Variants in ZNF765 observed in about 807,000 individuals in gnomAD.
The protein encoded by ZNF765 is zinc finger protein 765.
Under a neutral mutation model 44.7 loss-of-function variants are expected in ZNF765, and 37 were observed. That is an observed-to-expected ratio of 0.83 (90% CI 0.64 to 1.09). The LOEUF (loss-of-function observed/expected upper bound fraction) is 1.09. Among genes scored for constraint, ZNF765 ranks in the 50% least tolerant of loss-of-function variants. ZNF765 has a pLI of 0.00. For missense variants in ZNF765, 594 were observed against 626.1 expected (o/e 0.95, Z 0.55); for synonymous variants, 201 against 213.7 (o/e 0.94, Z 0.52).
At position 53,420,033 on chromosome 19, in the gene ZNF765, A is replaced by AAAAT. The variant is rs936098591; in HGVS notation, c.143-3016_143-3013dup. Among the ~76,000 whole-genome samples, 19 of 149,074 alleles carry AAAAT rather than the reference A, an allele frequency of 1.3e-4. No individual in the cohort carries two copies. The South Asian group carries it at 3.2e-3, about 25-fold the overall frequency. On this transcript the variant is annotated intron_variant, in intron 3 of 3. Transcript: ENST00000594030. The stretch of plus-strand genomic sequence containing the variant: ...CAGATTCCGTCTCAAAAATAATAAT[A>AAAAT]AAATAAATAAATAAATGTGGCCGGG...
downstream of ZNF765, among the ~76,000 whole-genome samples, chr19:53,414,672 G>T (rs1489758014): frequency 1.3e-5 from 2 of 150,662 alleles, no homozygotes; most frequent in East Asian, 2.0e-4. Context: ...ACCTGGGTGC[G>T]CATTTGTTGG....
chr19:53,396,772 T>C (rs1470047447), intron 1 of ZNF765, among the ~76,000 whole-genome samples: 2 of 152,226 alleles, frequency 1.3e-5, no homozygotes, highest in Non-Finnish European at 2.9e-5. Flanking sequence ...TGAATGCATA[T>C]TGATTTTTTA....
At chr19:53,404,018 C>A (rs1433167180) in intron 3 of ZNF765, among the ~76,000 whole-genome samples, 1 of 152,140 alleles carries the variant, frequency 6.6e-6, no homozygotes, top group Non-Finnish European at 1.5e-5. Flanking sequence ...GTTGAATTAT[C>A]TAGAGAAGGT....
exon 4 of ZNF765, chr19:53,424,360 G>A (rs2085926052): frequency 6.6e-6 from 1 of 151,824 alleles, no homozygotes; most frequent in African/African-American, 2.4e-5. Context: ...TGTAATCCGA[G>A]CTACTTGGGA....
At chr19:53,422,356 C>T (rs946905790) in intron 3 of ZNF765, among the ~76,000 whole-genome samples, 12 of 152,106 alleles carry the variant, frequency 7.9e-5, no homozygotes, top group African/African-American at 2.9e-4. Context: ...CCTCTCTGTG[C>T]TTGAGTCCTC....
chr19:53,410,030 A>G lies in ZNF765; in HGVS notation c.*903A>G. On this transcript the variant is annotated 3_prime_UTR_variant, in exon 4 of 4. Coordinates refer to ENST00000396408, the MANE Select transcript of ZNF765 (RefSeq NM_001040185.3). ...TGATAAATGCAGAATAAATGCAGAAAATTTTTCAGACATCCTTCATACCTT... is the reference window on the plus strand; with the variant it reads ...TGATAAATGCAGAATAAATGCAGAAGATTTTTCAGACATCCTTCATACCTT... The G allele has an allele frequency of 2.0e-6, 1 of 492,150 alleles. No homozygotes were observed. The highest frequency in any genetic ancestry group is 4.1e-6 in the Non-Finnish European group (1 of 244,330). The allele number at this position is 492,150 out of a possible 1,614,324, so 30.5% of individuals were successfully genotyped here. A position where few individuals can be genotyped will look rare whatever the true frequency, so the allele number is the denominator to read the frequency against.
intron 1 of ZNF765, 109 bp from the exon 2 acceptor site, chr19:53,397,834 A>G (rs536855228): frequency 8.7e-7 from 1 of 1,143,132 alleles, no homozygotes; most frequent in Admixed American, 2.6e-5. Flanking sequence ...GGTCGGCAGC[A>G]TAGGGGACCG....
downstream of ZNF765, among the ~76,000 whole-genome samples, chr19:53,414,156 G>A (rs1462173199): frequency 9.2e-5 from 13 of 140,968 alleles, no homozygotes; most frequent in Admixed American, 1.0e-3. Flanking sequence ...CAGGAGAATC[G>A]CTTGAACCCA....
At chr19:53,402,549 C>T (rs552052980) in intron 3 of ZNF765, among the ~76,000 whole-genome samples, 5 of 152,060 alleles carry the variant, frequency 3.3e-5, no homozygotes, top group Non-Finnish European at 5.9e-5. Flanking sequence ...CATAAGCCAC[C>T]GTGCCCGGCC....
intron 3 of ZNF765, among the ~76,000 whole-genome samples, chr19:53,407,153 T>G (rs1262658325): frequency 2.0e-5 from 3 of 152,132 alleles, no homozygotes; most frequent in Non-Finnish European, 4.4e-5. Context: ...TACGTGGGAC[T>G]AAAAATTTGG....
chr19:53,395,642 G>A (rs2085660187), intron 1 of ZNF765, among the ~76,000 whole-genome samples: 1 of 152,318 alleles, frequency 6.6e-6, no homozygotes, highest in East Asian at 1.9e-4. Flanking sequence ...AGGCGCCGTG[G>A]CGCCGCCGCC....
At chr19:53,417,121 T>C (rs1022406360) in intron 3 of ZNF765, among the ~76,000 whole-genome samples, 38 of 152,248 alleles carry the variant, frequency 2.5e-4, no homozygotes, top group African/African-American at 8.4e-4. Context: ...CCCGACCAGG[T>C]TTCTTTCATT....
chr19:53,410,524 C>G lies in ZNF765; in HGVS notation c.*1397C>G. 2.5e-6 allele frequency: 1 copy of G among 405,886 alleles called. No homozygotes were observed. Among genetic ancestry groups the G allele is most frequent in the Admixed American group, 3.0e-5 (1 of 33,520 alleles). The allele number at this position is 405,886 out of a possible 1,614,324, so 25.1% of individuals were successfully genotyped here. On this transcript the variant is annotated 3_prime_UTR_variant, in exon 4 of 4. Coordinates refer to ENST00000396408, the MANE Select transcript of ZNF765 (RefSeq NM_001040185.3). The stretch of plus-strand genomic sequence containing the variant: ...AAGCTTACAAGTATAATGAATGTGA[C>G]AGGTCTTTAGTGGGCAGTCAACACT...
intron 2 of ZNF765, among the ~76,000 whole-genome samples, chr19:53,401,683 C>T (rs1389645337): frequency 1.3e-5 from 2 of 152,218 alleles, no homozygotes; most frequent in East Asian, 1.9e-4. Flanking sequence ...TGAGACCAAA[C>T]TGGGCAATAT....
rs576806332 is a variant in ZNF765, at chr19:53,407,534, G to A, written c.143-164G>A. Reference sequence around the variant, plus strand: ...AAAATAATTTGAAGCACATGTAATCGCCCTTTATTTGTTAAAGAATCTTAT... The same window carrying A: ...AAAATAATTTGAAGCACATGTAATCACCCTTTATTTGTTAAAGAATCTTAT... On this transcript the variant is annotated intron_variant, in intron 3 of 3. Transcript: ENST00000396408. Among the ~76,000 whole-genome samples the A allele has an allele frequency of 1.5e-3, 225 of 152,168 alleles. 1 individual carries two copies. Among genetic ancestry groups the A allele is most frequent in the African/African-American group, 5.2e-3 (215 of 41,518 alleles).
chr19:53,407,146 G>T (rs1210781430), intron 3 of ZNF765, among the ~76,000 whole-genome samples: 1 of 152,016 alleles, frequency 6.6e-6, no homozygotes, highest in Non-Finnish European at 1.5e-5. Context: ...CCATGAGTAC[G>T]TGGGACTAAA....
chr19:53,409,030 A>C lies in ZNF765; in HGVS notation c.1475A>C (p.Lys492Thr). 1 of 1,613,890 alleles carries C rather than the reference A, an allele frequency of 6.2e-7. No individual in the cohort carries two copies. Among genetic ancestry groups the C allele is most frequent in the African/African-American group, 1.3e-5 (1 of 74,978 alleles). The stretch of plus-strand genomic sequence containing the variant: ...CATCATAGACTTCATACTGGACAGA[A>C]ACCTTACAAATGTGAAGATTGTGAT... Reference protein sequence around the residue: ...TYHHRLHTGQKPYKCEDCDEA... With the variant: ...TYHHRLHTGQTPYKCEDCDEA... The change falls in exon 4 of 4, where the codon AAA becomes ACA. Residue 492 changes from lysine to threonine, a missense_variant. Around this residue, in one of 2 missense-constraint regions of ZNF765, gnomAD observed 567 missense variants for 572.6 expected, o/e 0.99. Coordinates refer to ENST00000396408, the MANE Select transcript of ZNF765 (RefSeq NM_001040185.3).
intron 3 of ZNF765, among the ~76,000 whole-genome samples, chr19:53,421,519 A>T (rs201612518): frequency 2.0e-5 from 3 of 151,620 alleles, no homozygotes; most frequent in Non-Finnish European, 4.4e-5. Context: ...TTATTTATTT[A>T]TTTTTTTTTT....
Position 53,408,355 on chromosome 19 carries a change from G to T in ZNF765, c.800G>T (p.Gly267Val). ...YVARHRRCHT[G>V]EKPYKCNECG... Reference sequence around the variant, plus strand: ...GCACGCCATCGTAGATGTCACACTGGTGAGAAACCTTACAAGTGTAATGAG... The same window carrying T: ...GCACGCCATCGTAGATGTCACACTGTTGAGAAACCTTACAAGTGTAATGAG... The change falls in exon 4 of 4, where the codon GGT becomes GTT. Residue 267 changes from glycine to valine, a missense_variant. Physicochemically the swap from Gly to Val is moderately radical, Grantham distance 109 (BLOSUM62 -3). Around this residue, in one of 2 missense-constraint regions of ZNF765, gnomAD observed 567 missense variants for 572.6 expected, o/e 0.99. Coordinates refer to ENST00000396408, the MANE Select transcript of ZNF765 (RefSeq NM_001040185.3). 3 of 1,614,200 alleles carry T rather than the reference G, an allele frequency of 1.9e-6. No individual in the cohort carries two copies. In the South Asian group the frequency reaches 3.3e-5, roughly 18 times the overall value.
Sources: gnomAD v4.1 joint callset for allele counts (sites outside exome capture counted in the v4.1 genomes callset) on GRCh38, gnomAD v4.1.1 for gene constraint, gnomAD v4.1.1 regional missense constraint, MANE v1.5 for transcripts, NCBI Gene and HGNC (gene_info 2026-07-23, HGNC 2026-07-21) for gene names.